Variants in WDR45B observed in about 807,000 individuals in gnomAD.
WDR45B encodes the protein WD repeat domain 45B.
Under a neutral mutation model 44.6 loss-of-function variants are expected in WDR45B, and 20 were observed. The ratio of observed to expected loss-of-function variants is 0.45; its 90% CI spans 0.32 to 0.65. The LOEUF (loss-of-function observed/expected upper bound fraction) is 0.65. Among genes scored for constraint, WDR45B ranks in the 30% least tolerant of loss-of-function variants. The pLI, the probability that WDR45B is intolerant of heterozygous loss-of-function variation, is 0.05. For missense variants in WDR45B, 323 were observed against 430.2 expected (o/e 0.75, Z 2.20); for synonymous variants, 169 against 164.9 (o/e 1.02, Z -0.19).
intron 1 of WDR45B, among the ~76,000 whole-genome samples, chr17:82,646,058 T>G (rs936646035): frequency 4.0e-5 from 6 of 151,088 alleles, no homozygotes; most frequent in Non-Finnish European, 2.9e-5. Context: ...GAGGCAGAGG[T>G]TGCAGTGAGC....
intron 4 of WDR45B, among the ~76,000 whole-genome samples, chr17:82,626,533 C>CAAAAAAAAAAAAAAAA (rs562186058): frequency 3.8e-5 from 3 of 79,452 alleles, no homozygotes; most frequent in African/African-American, 1.5e-4. Flanking sequence ...CTCTATCTCC[C>CAAAAAAAAAAAAAAAA]AAAAAAAAAA....
chr17:82,636,991 C>T (rs759355392), intron 2 of WDR45B, among the ~76,000 whole-genome samples: 3 of 151,934 alleles, frequency 2.0e-5, no homozygotes, highest in Non-Finnish European at 4.4e-5. Context: ...ATAGGGACTG[C>T]GTTCAGGATA....
intron 8 of WDR45B, 49 bp downstream of exon 8, chr17:82,617,247 G>A (rs564326080): frequency 1.3e-6 from 2 of 1,564,018 alleles, no homozygotes; most frequent in South Asian, 1.1e-5. Context: ...AAACACTGGG[G>A]ACTCCTCTCA....
intron 1 of WDR45B, among the ~76,000 whole-genome samples, chr17:82,646,621 A>C (rs140737024): frequency 1.2e-3 from 180 of 152,262 alleles, no homozygotes; most frequent in African/African-American, 3.0e-3. Flanking sequence ...ATTTATTGGA[A>C]TCAAGCGTGG....
intron 5 of WDR45B, among the ~76,000 whole-genome samples, chr17:82,624,161 C>T (rs976055754): frequency 6.6e-6 from 1 of 152,128 alleles, no homozygotes; most frequent in African/African-American, 2.4e-5. Context: ...AAGGGACCAA[C>T]AAAGTAACAC....
rs374585998 is a variant in WDR45B at position 82,615,955 on chromosome 17, G to A, written c.999C>T (p.Tyr333=). The part of the protein sequence containing the change: ...NPKGECIRDV[Y]AQFLEMTDDK... ...CATCGGTCATCTCTAGAAACTGCGC[G>A]TAGACATCTCGGATGCACTCCCCCT... The change falls in exon 10 of 10, where the codon TAC becomes TAT. Residue 333 remains tyrosine (Y), a synonymous_variant. Transcript: ENST00000392325. The A allele has an allele frequency of 4.2e-5, 68 of 1,613,538 alleles. No individual in the cohort carries two copies. Among genetic ancestry groups the A allele is most frequent in the Non-Finnish European group, 5.4e-5 (64 of 1,179,936 alleles).
chr17:82,648,136 G>A, intron 1 of WDR45B, 138 bp downstream of exon 1: 2 of 1,019,094 alleles, frequency 2.0e-6, no homozygotes, highest in Non-Finnish European at 2.7e-6. Flanking sequence ...GGGGGCTTCG[G>A]AGGGGAGCTC....
intron 9 of WDR45B, 110 bp downstream of exon 9, chr17:82,616,414 C>T (rs1262595733): frequency 1.7e-5 from 26 of 1,564,562 alleles, no homozygotes; most frequent in Admixed American, 5.0e-5. Flanking sequence ...GGGCGGCCAT[C>T]GGTGCCACAG....
intron 5 of WDR45B, among the ~76,000 whole-genome samples, chr17:82,624,580 G>GA (rs1357443460): frequency 6.6e-6 from 1 of 150,610 alleles, no homozygotes; most frequent in Non-Finnish European, 1.5e-5. Flanking sequence ...TCTTGACTGT[G>GA]ACGGTGGCTA....
intron 8 of WDR45B, 134 bp from the exon 9 acceptor site, chr17:82,616,779 G>A: frequency 8.7e-7 from 1 of 1,147,912 alleles, no homozygotes. Flanking sequence ...TTTTTTTTTT[G>A]CCATGCATGA....
chr17:82,645,954 C>T (rs1026595122), intron 1 of WDR45B, among the ~76,000 whole-genome samples: 1 of 151,788 alleles, frequency 6.6e-6, no homozygotes, highest in African/African-American at 2.4e-5. Context: ...AACCCCATCT[C>T]TATTCAAAAT....
chr17:82,636,260 C>CAAAAAAA (rs71168123), intron 2 of WDR45B, among the ~76,000 whole-genome samples: 3 of 104,596 alleles, frequency 2.9e-5, no homozygotes, highest in African/African-American at 3.8e-5. Flanking sequence ...GACTCCGTCT[C>CAAAAAAA]AAAAAAAAAA....
intron 3 of WDR45B, among the ~76,000 whole-genome samples, chr17:82,628,836 C>G (rs551663846): frequency 6.6e-6 from 1 of 152,100 alleles, no homozygotes; most frequent in South Asian, 2.1e-4. Flanking sequence ...GCCGTCTCTA[C>G]TAAAAACACA....
At position 82,630,915 on chromosome 17, in the gene WDR45B, C is replaced by G; in HGVS notation, c.244+6G>C. ...GGCATGATTCTTCAATACACAATTA[C>G]AGTACCTTTGTTGGGAGGGTATTTC... On this transcript the variant is annotated splice_donor_region_variant and intron_variant, in intron 3 of 9. Coordinates refer to ENST00000392325, the MANE Select transcript of WDR45B (RefSeq NM_019613.4). 6.2e-7 allele frequency: 1 copy of G among 1,611,382 alleles called. No homozygotes were observed. The highest frequency in any genetic ancestry group is 1.1e-5 in the South Asian group (1 of 90,982).
intron 2 of WDR45B, among the ~76,000 whole-genome samples, chr17:82,634,314 C>G (rs1373815856): frequency 6.6e-6 from 1 of 151,306 alleles, no homozygotes; most frequent in African/African-American, 2.4e-5. Context: ...ATGGTGAAAC[C>G]CTGTCTCTAC....
At chr17:82,618,300 T>C (rs968510536) in intron 7 of WDR45B, among the ~76,000 whole-genome samples, 2 of 152,244 alleles carry the variant, frequency 1.3e-5, no homozygotes, top group African/African-American at 4.8e-5. Context: ...GCACCAGGCC[T>C]CCTGGCCGTG....
At chr17:82,623,917 A>G (rs879605878) in intron 5 of WDR45B, among the ~76,000 whole-genome samples, 12 of 152,076 alleles carry the variant, frequency 7.9e-5, no homozygotes, top group Admixed American at 4.6e-4. Flanking sequence ...GAACGGCTAC[A>G]GCTAGAAAGA....
intron 3 of WDR45B, among the ~76,000 whole-genome samples, chr17:82,629,086 G>A (rs1045137220): frequency 2.6e-5 from 4 of 152,206 alleles, no homozygotes; most frequent in Admixed American, 2.6e-4. Context: ...AAAACCTGCT[G>A]AATACTGCTT....
At chr17:82,639,748 T>C (rs2045884966) in intron 2 of WDR45B, among the ~76,000 whole-genome samples, 1 of 146,040 alleles carries the variant, frequency 6.8e-6, no homozygotes, top group Admixed American at 6.8e-5. Context: ...GCTGCTGGGC[T>C]GTGTGTAGGT....
Sources: allele counts gnomAD v4.1 joint callset (sites outside exome capture counted in the v4.1 genomes callset), GRCh38; gene constraint gnomAD v4.1.1; transcripts MANE v1.5; gene names NCBI Gene and HGNC (gene_info 2026-07-23, HGNC 2026-07-21).